The following SHISA9 variants were observed in gnomAD, a reference collection of about 807,000 sequenced individuals.
SHISA9 encodes the protein shisa family member 9, also known as protein shisa-9.
SHISA9 carries 13 observed loss-of-function variants against 38.0 expected under a neutral mutation model. The ratio of observed to expected loss-of-function variants is 0.34; its 90% confidence interval spans 0.22 to 0.54. The LOEUF (loss-of-function observed/expected upper bound fraction) is 0.54. Ranked by LOEUF, SHISA9 falls within the 20% of genes least tolerant of loss-of-function variation. The probability of loss-of-function intolerance (pLI) is 0.91; values close to 1 mark genes in which losing one functional copy is unlikely to be tolerated. For synonymous variants in SHISA9, 275 were observed against 242.0 expected, an observed-to-expected ratio of 1.14 and a Z score of -1.27; for missense variants, 538 against 575.8, an observed-to-expected ratio of 0.93 and a Z score of 0.67.
At chr16:13,553,354 C>T in the SHISA9 span, among the ~76,000 whole-genome samples, 2 of 152,228 alleles carry the variant, frequency 1.3e-5, no homozygotes, top group African/African-American at 4.8e-5. Context: ...ATTGAACACT[C>T]TATCTCATTC....
chr16:13,448,649 A>G, the SHISA9 span, among the ~76,000 whole-genome samples: 2 of 152,254 alleles, frequency 1.3e-5, no homozygotes, highest in African/African-American at 4.8e-5. Context: ...ATGTTGAACT[A>G]TAGTGATTTC....
At chr16:12,967,899 C>A (rs1311433873) in intron 2 of SHISA9, among the ~76,000 whole-genome samples, 1 of 152,078 alleles carries the variant, frequency 6.6e-6, no homozygotes, top group Non-Finnish European at 1.5e-5. Flanking sequence ...TTAAAAAATT[C>A]CAGAGCTAAG....
rs969264853 is a variant in SHISA9 at position 13,239,559 on chromosome 16, G to C, written c.*4150G>C. The C allele has an allele frequency of 2.0e-5, 3 of 152,020 alleles. No individual in the cohort carries two copies. The highest frequency in any genetic ancestry group is 4.4e-5 in the Non-Finnish European group (3 of 67,988). 9.4% of individuals were successfully genotyped at this position (152,020 alleles called of 1,614,324 possible). A position where few individuals can be genotyped will look rare whatever the true frequency, so the allele number is the denominator to read the frequency against. On this transcript the variant is annotated 3_prime_UTR_variant, in exon 5 of 5. Coordinates refer to ENST00000558583, the MANE Select transcript of SHISA9 (RefSeq NM_001145204.3). ...TGGCGTGAGATGGTATCTCATTGTG[G>C]TTTTGATTTGCATTTCTCTGATGGC...
At chr16:13,335,579 T>C in the SHISA9 span, among the ~76,000 whole-genome samples, 1 of 152,218 alleles carries the variant, frequency 6.6e-6, no homozygotes, top group Non-Finnish European at 1.5e-5. Flanking sequence ...AGACAGGTCA[T>C]GCAACTGTCA....
At chr16:13,503,509 C>A in the SHISA9 span, among the ~76,000 whole-genome samples, 1 of 152,112 alleles carries the variant, frequency 6.6e-6, no homozygotes, top group African/African-American at 2.4e-5. Context: ...GACATGGCTA[C>A]TTGGGCTTCC....
At chr16:13,039,318 A>T (rs1186606384) in intron 2 of SHISA9, among the ~76,000 whole-genome samples, 1 of 152,166 alleles carries the variant, frequency 6.6e-6, no homozygotes, top group Non-Finnish European at 1.5e-5. Context: ...CAGGATAGGG[A>T]TATTACACCA....
rs141068714 is a variant in SHISA9 at position 12,918,978 on chromosome 16, C to T, written c.691+2163C>T. Among the ~76,000 whole-genome samples the T allele has an allele frequency of 2.4e-3, 359 of 152,110 alleles. 8 individuals carry two copies. In the East Asian group the frequency reaches 0.054, roughly 23 times the overall value. On this transcript the variant is annotated intron_variant, in intron 2 of 4. Transcript: ENST00000558583. ...ATATGTAACACATTAATTCAGCAGC[C>T]GACAGTAATAACAGATTTCCTTGTT...
At position 13,053,845 on chromosome 16, in the gene SHISA9, C is replaced by T. The variant is rs143792154; in HGVS notation, c.691+137030C>T. Among the ~76,000 whole-genome samples, 91 of 152,272 alleles carry T rather than the reference C, an allele frequency of 6.0e-4. No individual in the cohort carries two copies. The East Asian group carries it at 0.015, about 26-fold the overall frequency. On this transcript the variant is annotated intron_variant, in intron 2 of 4. Transcript: ENST00000558583. Reference sequence around the variant, plus strand: ...TTTTTCTGTAATAACTCTTGGTGAACATGTCACCTGAACTATTTGGCTCTA... The same window carrying T: ...TTTTTCTGTAATAACTCTTGGTGAATATGTCACCTGAACTATTTGGCTCTA...
intron 4 of SHISA9, among the ~76,000 whole-genome samples, chr16:13,224,776 T>G (rs79066780): frequency 6.6e-6 from 1 of 152,084 alleles, no homozygotes. Context: ...CTTCTTTGGG[T>G]ATTAGGAGGG....
At chr16:13,048,425 T>A (rs888142746) in intron 2 of SHISA9, among the ~76,000 whole-genome samples, 1 of 152,128 alleles carries the variant, frequency 6.6e-6, no homozygotes. Flanking sequence ...TATGGACTTA[T>A]AACATTTTTT....
chr16:13,119,185 A>G (rs938907208), intron 2 of SHISA9, among the ~76,000 whole-genome samples: 2 of 152,122 alleles, frequency 1.3e-5, no homozygotes, highest in African/African-American at 2.4e-5. Flanking sequence ...CCCATTTCTT[A>G]TCTCATTTAA....
chr16:13,090,929 G>A (rs1283444546), intron 2 of SHISA9, among the ~76,000 whole-genome samples: 1 of 152,180 alleles, frequency 6.6e-6, no homozygotes, highest in Non-Finnish European at 1.5e-5. Context: ...TGCAGTGGCT[G>A]GTACCAGTTG....
At chr16:12,904,455 G>A (rs1005999719) in intron 1 of SHISA9, among the ~76,000 whole-genome samples, 3 of 152,162 alleles carry the variant, frequency 2.0e-5, no homozygotes, top group Non-Finnish European at 2.9e-5. Context: ...TTTGATCTGG[G>A]CGTTCTGGTG....
At chr16:12,913,329 C>T (rs959265556) in intron 1 of SHISA9, among the ~76,000 whole-genome samples, 6 of 151,896 alleles carry the variant, frequency 4.0e-5, no homozygotes, top group Admixed American at 1.3e-4. Context: ...CCTGAGTAGC[C>T]GGGATTACAG....
intron 2 of SHISA9, among the ~76,000 whole-genome samples, chr16:12,952,714 C>T (rs908818446): frequency 5.3e-5 from 8 of 152,134 alleles, no homozygotes; most frequent in African/African-American, 9.7e-5. Flanking sequence ...CTTCTGCCAT[C>T]GAATACATGC....
chr16:13,252,780 A>G, the SHISA9 span, among the ~76,000 whole-genome samples: 5 of 152,334 alleles, frequency 3.3e-5, no homozygotes, highest in African/African-American at 1.2e-4. Context: ...GAGTGCTCCC[A>G]TATGCCCTCC....
Position 12,902,022 on chromosome 16 carries a change from C to T in SHISA9, c.-43C>T. The T allele has an allele frequency of 1.4e-6, 2 of 1,412,996 alleles. 1 individual carries two copies. Among genetic ancestry groups the T allele is most frequent in the Middle Eastern group, 5.0e-4 (2 of 4,002 alleles). 87.5% of individuals were successfully genotyped at this position (1,412,996 alleles called of 1,614,324 possible). A position where few individuals can be genotyped will look rare whatever the true frequency, so the allele number is the denominator to read the frequency against. On this transcript the variant is annotated 5_prime_UTR_variant, in exon 1 of 5. Coordinates refer to ENST00000558583, the MANE Select transcript of SHISA9 (RefSeq NM_001145204.3). Reference sequence around the variant, plus strand: ...GCGCCTCGAGAGGCGGCCGCAGAGGCTCCAGCGGCGGCCGAGCGGCCGAGC... The same window carrying T: ...GCGCCTCGAGAGGCGGCCGCAGAGGTTCCAGCGGCGGCCGAGCGGCCGAGC...
chr16:13,369,567 C>G, the SHISA9 span, among the ~76,000 whole-genome samples: 1 of 151,386 alleles, frequency 6.6e-6, no homozygotes, highest in Non-Finnish European at 1.5e-5. Flanking sequence ...ACACCTTGTT[C>G]AAGCAAGAGA....
chr16:13,322,233 A>G, the SHISA9 span, among the ~76,000 whole-genome samples: 9 of 152,382 alleles, frequency 5.9e-5, no homozygotes, highest in Admixed American at 1.3e-4. Flanking sequence ...AATAATAGTA[A>G]TGATCCTAGA....
Sources: gnomAD v4.1 joint callset for allele counts (sites outside exome capture counted in the v4.1 genomes callset) on GRCh38, gnomAD v4.1.1 for gene constraint, MANE v1.5 for transcripts, NCBI Gene and HGNC (gene_info 2026-07-23, HGNC 2026-07-21) for gene names.